The following MUCL1 variants were observed in gnomAD, a reference collection of about 807,000 sequenced individuals.
The protein encoded by MUCL1 is mucin-like protein 1.
A neutral mutation model predicts 9.2 loss-of-function variants in MUCL1; 11 were observed. The ratio of observed to expected loss-of-function variants is 1.19; its 90% CI spans 0.75 to 1.97. The LOEUF is 1.97. Among genes scored for constraint, MUCL1 ranks in the 30% most tolerant of loss-of-function variants. The pLI, the probability that MUCL1 is intolerant of heterozygous loss-of-function variation, is 0.00. For synonymous variants in MUCL1, 48 were observed against 40.5 expected, an observed-to-expected ratio of 1.19 and a Z score of -0.71; for missense variants, 144 against 110.9, an observed-to-expected ratio of 1.30 and a Z score of -1.34.
chr12:54,855,144 C>T lies in MUCL1; in HGVS notation c.87C>T (p.Asp29=), dbSNP rs778963800. Residue 29 remains aspartate, a synonymous_variant, in exon 2 of 4, where the codon GAC becomes GAT. Transcript: ENST00000308796. ...ATCCGACAACAGCTGCTCCAGCTGA[C>T]ACGTATCCAGCTAGTGAGTCTGCAC... The part of the protein sequence containing the change: ...AQNPTTAAPA[D]TYPATGPADD... 2.5e-6 allele frequency: 4 copies of T among 1,613,350 alleles called. No homozygotes were observed. Among genetic ancestry groups the T allele is most frequent in the Non-Finnish European group, 3.4e-6 (4 of 1,179,588 alleles).
At chr12:54,835,884 T>C (rs1959192405), upstream of MUCL1, among the ~76,000 whole-genome samples, 3 of 152,208 alleles carry the variant, frequency 2.0e-5, no homozygotes, top group East Asian at 1.9e-4. Flanking sequence ...CTGCCACATT[T>C]ATTAATTTGC....
At chr12:54,847,499 C>T (rs1304375967) in intron 1 of MUCL1, among the ~76,000 whole-genome samples, 1 of 152,152 alleles carries the variant, frequency 6.6e-6, no homozygotes, top group Non-Finnish European at 1.5e-5. Flanking sequence ...CCTGTAATCC[C>T]AGCTACTTGG....
intron 2 of MUCL1, 123 bp from the exon 3 acceptor site, chr12:54,856,647 C>G (rs1225935894): frequency 7.5e-7 from 1 of 1,326,966 alleles, no homozygotes; most frequent in Non-Finnish European, 1.0e-6. Context: ...AAAGGTAAGA[C>G]AGAACTGATG....
At chr12:54,841,935 T>G (rs76629773) in intron 1 of MUCL1, among the ~76,000 whole-genome samples, 4,165 of 152,228 alleles carry the variant, frequency 0.027, 198 homozygotes, top group African/African-American at 0.095. Context: ...AGTTTTACAG[T>G]TACAGGCCTT....
intron 3 of MUCL1, among the ~76,000 whole-genome samples, chr12:54,857,876 GA>G (rs1478058046): frequency 1.3e-5 from 2 of 152,134 alleles, no homozygotes; most frequent in Non-Finnish European, 2.9e-5. Flanking sequence ...CTGTGAGTGA[GA>G]AAATGGCTTT....
chr12:54,844,498 T>A (rs1430114122), intron 1 of MUCL1, among the ~76,000 whole-genome samples: 1 of 152,204 alleles, frequency 6.6e-6, no homozygotes, highest in African/African-American at 2.4e-5. Flanking sequence ...GCACAACATC[T>A]TTATAAATCT....
intron 1 of MUCL1, among the ~76,000 whole-genome samples, chr12:54,832,284 C>T (rs758472840): frequency 2.0e-5 from 3 of 152,012 alleles, no homozygotes; most frequent in Non-Finnish European, 4.4e-5. Context: ...GGCTTTCTTT[C>T]TGTTAAAAAG....
chr12:54,849,488 A>G (rs1332268308), intron 1 of MUCL1, among the ~76,000 whole-genome samples: 1 of 152,130 alleles, frequency 6.6e-6, no homozygotes, highest in Non-Finnish European at 1.5e-5. Flanking sequence ...GTAATGGGAA[A>G]GAGCAGTAGT....
intron 1 of MUCL1, among the ~76,000 whole-genome samples, chr12:54,833,481 A>AT (rs1331991038): frequency 1.3e-5 from 2 of 151,802 alleles, no homozygotes; most frequent in Non-Finnish European, 2.9e-5. Flanking sequence ...AATTGTTTTA[A>AT]TTTTTTTCCT....
chr12:54,852,174 A>G (rs1311605792), upstream of MUCL1, among the ~76,000 whole-genome samples: 1 of 152,212 alleles, frequency 6.6e-6, no homozygotes, highest in Non-Finnish European at 1.5e-5. Flanking sequence ...TTCATATGGA[A>G]GCAAAAAAGA....
chr12:54,838,156 T>G (rs1258577011), upstream of MUCL1, among the ~76,000 whole-genome samples: 1 of 152,220 alleles, frequency 6.6e-6, no homozygotes, highest in Non-Finnish European at 1.5e-5. Flanking sequence ...CATTTGCTTG[T>G]CTGAAAAAGA....
rs145467450 is a variant in MUCL1 at position 54,856,901 on chromosome 12, A to T, written c.223+9A>T. On this transcript the variant is annotated intron_variant, in intron 3 of 3. Coordinates refer to ENST00000308796, the MANE Select transcript of MUCL1 (RefSeq NM_058173.3). ...TCGTAAAGACATTCCAGGTAGCAAG[A>T]CTCCTCCATCTGTGTGCTTCCTTTA... is the stretch of plus-strand genomic sequence containing the variant. 322 of 1,613,068 alleles carry T rather than the reference A, an allele frequency of 2.0e-4. 4 individuals carry two copies. The Middle Eastern group carries it at 2.5e-3, about 12-fold the overall frequency.
upstream of MUCL1, among the ~76,000 whole-genome samples, chr12:54,838,628 A>AT (rs577991696): frequency 3.3e-5 from 5 of 150,748 alleles, no homozygotes; most frequent in South Asian, 4.2e-4. Context: ...CATTTCTTTT[A>AT]TTTTTTTTCT....
chr12:54,835,606 GT>G (rs35413913), upstream of MUCL1, among the ~76,000 whole-genome samples: 112,846 of 140,282 alleles, frequency 0.8, 47,084 homozygotes, highest in East Asian at 0.96. Context: ...TGATGGGATT[GT>G]TTTTTTTTTT....
At chr12:54,838,228 T>C (rs1959196572), upstream of MUCL1, among the ~76,000 whole-genome samples, 1 of 152,250 alleles carries the variant, frequency 6.6e-6, no homozygotes. Flanking sequence ...CTAACAGTTA[T>C]ATCATTTAAG....
At chr12:54,847,866 TG>T (rs1416064886) in intron 1 of MUCL1, among the ~76,000 whole-genome samples, 1 of 152,098 alleles carries the variant, frequency 6.6e-6, no homozygotes, top group African/African-American at 2.4e-5. Context: ...AGATCATGCT[TG>T]GGGCACACAT....
chr12:54,856,014 CT>C (rs1868296451), intron 2 of MUCL1, among the ~76,000 whole-genome samples: 1 of 152,080 alleles, frequency 6.6e-6, no homozygotes, highest in Admixed American at 6.5e-5. Context: ...GGGCCTGACT[CT>C]TGATCCTTAT....
upstream of MUCL1, among the ~76,000 whole-genome samples, chr12:54,851,262 A>C (rs140673916): frequency 0.019 from 2,936 of 152,252 alleles, 97 homozygotes; most frequent in African/African-American, 0.066. Flanking sequence ...GGTATTGCCT[A>C]GGTTTTCTTC....
intron 1 of MUCL1, among the ~76,000 whole-genome samples, chr12:54,840,951 G>A (rs1319040495): frequency 6.6e-6 from 1 of 152,126 alleles, no homozygotes. Flanking sequence ...CCCTCCCCAG[G>A]GATGAAACTG....
Sources: gnomAD v4.1 joint callset for allele counts (sites outside exome capture counted in the v4.1 genomes callset) on GRCh38, gnomAD v4.1.1 for gene constraint, MANE v1.5 for transcripts, NCBI Gene and HGNC (gene_info 2026-07-23, HGNC 2026-07-21) for gene names.